CFAP61: variants seen among roughly 807,000 people sequenced by gnomAD.
CFAP61 encodes the protein cilia- and flagella-associated protein 61.
In CFAP61, 107 loss-of-function variants were observed where a neutral mutation model predicts 135.6. The observed-to-expected ratio is 0.79, with a 90% confidence interval of 0.67 to 0.93. The LOEUF (loss-of-function observed/expected upper bound fraction) is 0.93. Among genes scored for constraint, CFAP61 ranks in the 40% least tolerant of loss-of-function variants. The pLI is 0.00. For synonymous variants in CFAP61, 575 were observed against 578.5 expected, an observed-to-expected ratio of 0.99 and a Z score of 0.09; for missense variants, 1,507 against 1,556.2, an observed-to-expected ratio of 0.97 and a Z score of 0.53.
intron 17 of CFAP61, among the ~76,000 whole-genome samples, chr20:20,205,992 T>A (rs2056840694): frequency 6.9e-6 from 1 of 145,308 alleles, no homozygotes; most frequent in Non-Finnish European, 1.5e-5. Context: ...GGTTTATTTT[T>A]TGGGGTGGGG....
chr20:20,095,379 G>A (rs896814137), intron 7 of CFAP61, among the ~76,000 whole-genome samples: 7 of 152,240 alleles, frequency 4.6e-5, no homozygotes, highest in African/African-American at 1.4e-4. Context: ...ACAGAAAGAA[G>A]TCCATCAAGT....
Position 20,212,082 on chromosome 20 carries a change from A to G in CFAP61, c.1932+12180A>G, listed in dbSNP as rs28421027. 9.0e-3 allele frequency among the ~76,000 whole-genome samples: 1,378 copies of G among 152,316 alleles called. 21 individuals are homozygous for G. The highest frequency in any genetic ancestry group is 0.031 in the African/African-American group (1,309 of 41,572). ...GTCTTTTGATTTGTTTGCAGACAAC[A>G]TCGATCCCCACACACTGGGTCTTTG... On this transcript the variant is annotated intron_variant, in intron 17 of 26. Coordinates refer to ENST00000245957, the MANE Select transcript of CFAP61 (RefSeq NM_015585.4).
Position 20,129,020 on chromosome 20 carries a change from T to A in CFAP61, c.860-13837T>A, listed in dbSNP as rs6112777. The stretch of plus-strand genomic sequence containing the variant: ...TTATTATAATTGTTATAACTATTAT[T>A]ATAATAGTTATAACTATTATTGTTT... On this transcript the variant is annotated intron_variant, in intron 8 of 26. Coordinates refer to ENST00000245957, the MANE Select transcript of CFAP61 (RefSeq NM_015585.4). Among the ~76,000 whole-genome samples, 170 of 151,632 alleles carry A rather than the reference T, an allele frequency of 1.1e-3. 4 individuals are homozygous for A. Among genetic ancestry groups the A allele is most frequent in the African/African-American group, 3.9e-3 (159 of 41,048 alleles).
intron 6 of CFAP61, among the ~76,000 whole-genome samples, chr20:20,090,605 G>A (rs932868388): frequency 2.7e-5 from 4 of 149,396 alleles, no homozygotes; most frequent in Non-Finnish European, 5.9e-5. Flanking sequence ...CAGGAGAATC[G>A]CTTGAACCCG....
chr20:20,355,135 T>G (rs1406436182), intron 26 of CFAP61, among the ~76,000 whole-genome samples: 74 of 98,974 alleles, frequency 7.5e-4, no homozygotes, highest in Admixed American at 1.5e-3. Flanking sequence ...TGAGGGGAGG[T>G]GGTCACATTG....
chr20:20,141,341 C>T (rs1032665764), intron 8 of CFAP61, among the ~76,000 whole-genome samples: 1 of 152,198 alleles, frequency 6.6e-6, no homozygotes, highest in Non-Finnish European at 1.5e-5. Flanking sequence ...GCCTAAAAAG[C>T]ATCCTGCTCT....
intron 17 of CFAP61, among the ~76,000 whole-genome samples, chr20:20,213,386 C>T (rs897454263): frequency 3.3e-5 from 5 of 152,058 alleles, no homozygotes; most frequent in Non-Finnish European, 5.9e-5. Context: ...TTGAAACCAC[C>T]GTTGCTATTT....
chr20:20,172,018 C>T (rs1299537151), intron 13 of CFAP61: 1 of 379,084 alleles, frequency 2.6e-6, no homozygotes, highest in Non-Finnish European at 4.7e-6. Flanking sequence ...TGATCAGGAA[C>T]TTGGTTGCAT....
intron 10 of CFAP61, among the ~76,000 whole-genome samples, chr20:20,160,735 C>T (rs2053326032): frequency 6.6e-6 from 1 of 152,178 alleles, no homozygotes; most frequent in Non-Finnish European, 1.5e-5. Context: ...CCACCCATAT[C>T]CTCTAGCACG....
At chr20:20,328,071 CT>C (rs1283967117) in intron 25 of CFAP61, among the ~76,000 whole-genome samples, 1 of 152,148 alleles carries the variant, frequency 6.6e-6, no homozygotes, top group Non-Finnish European at 1.5e-5. Flanking sequence ...TGCTGCTTCG[CT>C]TTGATAAGTA....
intron 3 of CFAP61, among the ~76,000 whole-genome samples, chr20:20,071,358 C>T (rs2045695965): frequency 6.6e-6 from 1 of 152,312 alleles, no homozygotes; most frequent in Middle Eastern, 3.4e-3. Context: ...CTGCCGTCTA[C>T]ACAATTGCCC....
Position 20,298,221 on chromosome 20 carries a change from A to C in CFAP61, c.3257A>C (p.Tyr1086Ser), listed in dbSNP as rs767110683. 1 of 1,614,142 alleles carries C rather than the reference A, an allele frequency of 6.2e-7. No homozygotes were observed. The highest frequency in any genetic ancestry group is 1.3e-5 in the African/African-American group (1 of 75,026). Residue 1086 changes from tyrosine (Y) to serine (S), a missense_variant, in exon 25 of 27, where the codon TAC becomes TCC. Transcript: ENST00000245957. ...LVTGSAKNGT[Y>S]FRIHINKYKM... ...ACCGGCAGTGCGAAAAATGGGACTT[A>C]CTTCCGAATTCATATTAACAAGTAT...
chr20:20,080,020 A>T (rs2046324286), intron 6 of CFAP61, among the ~76,000 whole-genome samples: 2 of 152,288 alleles, frequency 1.3e-5, no homozygotes, highest in East Asian at 3.9e-4. Flanking sequence ...ATTACTTAGG[A>T]TCTTGTAAGT....
chr20:20,143,908 AAGGATG>A (rs1287680370), intron 9 of CFAP61, among the ~76,000 whole-genome samples: 1 of 152,204 alleles, frequency 6.6e-6, no homozygotes, highest in Non-Finnish European at 1.5e-5. Flanking sequence ...AACCTCTGAA[AAGGATG>A]AGGATTAATA....
intron 13 of CFAP61, among the ~76,000 whole-genome samples, chr20:20,175,753 A>C (rs1298605902): frequency 6.6e-6 from 1 of 151,782 alleles, no homozygotes; most frequent in Non-Finnish European, 1.5e-5. Flanking sequence ...GGATGGTCTC[A>C]ATCTCCTGAC....
chr20:20,251,549 G>A (rs776363815), intron 19 of CFAP61, 46 bp from the exon 20 acceptor site: 17 of 1,591,180 alleles, frequency 1.1e-5, no homozygotes, highest in Admixed American at 3.3e-5. Context: ...ATTAATGCCC[G>A]CTGTCAGCTG....
chr20:20,290,164 T>C (rs1354789264), intron 23 of CFAP61, 136 bp from the exon 24 acceptor site: 2 of 651,738 alleles, frequency 3.1e-6, no homozygotes, highest in East Asian at 5.1e-5. Context: ...TCCTTGTTGT[T>C]AGTGGTACTT....
chr20:20,191,259 G>A (rs2055900149), intron 14 of CFAP61, 83 bp from the exon 15 acceptor site: 2 of 1,128,066 alleles, frequency 1.8e-6, no homozygotes, highest in Admixed American at 1.7e-5. Flanking sequence ...ATGTGAACGT[G>A]GTTAAGACCC....
At chr20:20,136,513 C>A (rs2050940236) in intron 8 of CFAP61, among the ~76,000 whole-genome samples, 1 of 48,468 alleles carries the variant, frequency 2.1e-5, no homozygotes, top group Non-Finnish European at 4.9e-5. Context: ...TTAGTCAATT[C>A]TGCTATTAAG....
Sources: gnomAD v4.1 joint callset for allele counts (sites outside exome capture counted in the v4.1 genomes callset) on GRCh38, gnomAD v4.1.1 for gene constraint, MANE v1.5 for transcripts, NCBI Gene and HGNC (gene_info 2026-07-23, HGNC 2026-07-21) for gene names.